IAH1: variants seen among roughly 807,000 people sequenced by gnomAD.
IAH1 encodes isoamyl acetate hydrolyzing esterase 1 (putative), also known as isoamyl acetate-hydrolyzing esterase 1 homolog.
A neutral mutation model predicts 26.7 loss-of-function variants in IAH1; 24 were observed. The observed-to-expected ratio is 0.90, with a 90% CI of 0.65 to 1.26. IAH1 has a LOEUF of 1.26. IAH1 is among the 50% of genes most tolerant of loss of function. The pLI is 0.00. For missense variants in IAH1, 300 were observed against 299.9 expected, an observed-to-expected ratio of 1.00 and a Z score of 0.00; for synonymous variants, 140 against 118.5, an observed-to-expected ratio of 1.18 and a Z score of -1.18.
At chr2:9,511,496 T>C in the IAH1 span, among the ~76,000 whole-genome samples, 1 of 152,116 alleles carries the variant, frequency 6.6e-6, no homozygotes, top group African/African-American at 2.4e-5. Flanking sequence ...AAACAATGTT[T>C]TATTTTCTCA....
At chr2:9,486,266 TG>T (rs1289716465) in intron 5 of IAH1, 6 of 152,194 alleles carry the variant, frequency 3.9e-5, no homozygotes, top group Non-Finnish European at 8.8e-5. Flanking sequence ...TCTGAAACCC[TG>T]GAGTACTGGA....
chr2:9,505,570 G>A, the IAH1 span: 1 of 583,300 alleles, frequency 1.7e-6, no homozygotes, highest in Non-Finnish European at 3.0e-6. Flanking sequence ...CTAAATGGCT[G>A]ATGTGAACTT....
upstream of IAH1, among the ~76,000 whole-genome samples, chr2:9,474,219 G>A (rs1277470916): frequency 6.6e-6 from 1 of 152,088 alleles, no homozygotes; most frequent in Non-Finnish European, 1.5e-5. The surrounding 1 kb of genome is among the most constrained non-coding windows in gnomAD (Gnocchi z 4.3). Flanking sequence ...CCCACCGAGA[G>A]CCAGCTGTGC....
chr2:9,494,933 A>G, intron 6 of IAH1: 1 of 752,084 alleles, frequency 1.3e-6, no homozygotes, highest in Non-Finnish European at 2.0e-6. Context: ...GTAGTTTCTG[A>G]GGTCACACTC....
chr2:9,495,217 C>G (rs984817907), intron 6 of IAH1, among the ~76,000 whole-genome samples: 45 of 152,326 alleles, frequency 3.0e-4, no homozygotes, highest in African/African-American at 1.0e-3. Context: ...GGGTGGGGAG[C>G]TCAGTGACCC....
chr2:9,481,883 A>G (rs1661195197), intron 4 of IAH1, among the ~76,000 whole-genome samples: 2 of 152,126 alleles, frequency 1.3e-5, no homozygotes, highest in Admixed American at 1.3e-4. Context: ...CACTCCATAT[A>G]CTTGGGTTTC....
downstream of IAH1, chr2:9,491,065 G>C (rs776074945): frequency 5.0e-6 from 8 of 1,595,564 alleles, no homozygotes; most frequent in Non-Finnish European, 6.0e-6. Flanking sequence ...CCTCAGACCA[G>C]GCGAAGATTA....
chr2:9,490,365 G>T, downstream of IAH1: 1 of 1,614,158 alleles, frequency 6.2e-7, no homozygotes. Flanking sequence ...GGGTCTTCCT[G>T]GATGGTGTCC....
At chr2:9,505,540 G>T in the IAH1 span, 1 of 630,852 alleles carries the variant, frequency 1.6e-6, no homozygotes, top group Non-Finnish European at 2.8e-6. Flanking sequence ...ATGGAACTGG[G>T]AACCTCCCTC....
At chr2:9,511,044 T>G in the IAH1 span, among the ~76,000 whole-genome samples, 1 of 152,144 alleles carries the variant, frequency 6.6e-6, no homozygotes, top group African/African-American at 2.4e-5. Flanking sequence ...ATAAATGCAA[T>G]AAGCTAACTG....
At chr2:9,502,030 A>G in the IAH1 span, 17 of 715,158 alleles carry the variant, frequency 2.4e-5, no homozygotes, top group African/African-American at 1.2e-4. Flanking sequence ...CAAGTGTCAC[A>G]AACTAAGGAG....
At chr2:9,490,051 T>TCAAA (rs1661986462), downstream of IAH1, 9 of 912,830 alleles carry the variant, frequency 9.9e-6, no homozygotes, top group East Asian at 5.3e-5. Context: ...TGCAGGAAGT[T>TCAAA]CAAACACATG....
downstream of IAH1, among the ~76,000 whole-genome samples, chr2:9,491,422 T>G (rs1027114895): frequency 6.6e-6 from 1 of 152,194 alleles, no homozygotes; most frequent in Non-Finnish European, 1.5e-5. Flanking sequence ...TCTGAGAAAT[T>G]TATCCCTCTG....
the IAH1 span, among the ~76,000 whole-genome samples, chr2:9,504,409 C>T: frequency 2.0e-5 from 3 of 151,942 alleles, no homozygotes; most frequent in Non-Finnish European, 2.9e-5. Context: ...CGCGCCACTG[C>T]ACTCCAGCCT....
chr2:9,491,172 G>A (rs1662111672), downstream of IAH1: 1 of 1,606,758 alleles, frequency 6.2e-7, no homozygotes, highest in Non-Finnish European at 8.5e-7. Flanking sequence ...ACAGCAAGAA[G>A]GTCATTCCCT....
chr2:9,484,365 G>A, intron 4 of IAH1, 67 bp from the exon 5 acceptor site: 1 of 1,204,602 alleles, frequency 8.3e-7, no homozygotes, highest in East Asian at 2.3e-5. Context: ...GATGAGTGGA[G>A]CAGAACTTAC....
chr2:9,477,380 T>C (rs899831530), intron 2 of IAH1, among the ~76,000 whole-genome samples: 5 of 152,172 alleles, frequency 3.3e-5, no homozygotes, highest in Non-Finnish European at 4.4e-5. Context: ...AAGAAAACTT[T>C]ATGGACAACT....
At chr2:9,487,827 T>TGC (rs1364629361) in intron 5 of IAH1, among the ~76,000 whole-genome samples, 21 of 97,172 alleles carry the variant, frequency 2.2e-4, no homozygotes, top group Admixed American at 9.7e-4. Flanking sequence ...TGTGTGTGTG[T>TGC]GTGTGTGCGC....
the IAH1 span, chr2:9,510,056 A>G: frequency 6.2e-7 from 1 of 1,614,172 alleles, no homozygotes; most frequent in Non-Finnish European, 8.5e-7. Context: ...TTCGGGGCAC[A>G]TTCTGCTAGA....
Sources: allele counts gnomAD v4.1 joint callset (sites outside exome capture counted in the v4.1 genomes callset), GRCh38; gene constraint gnomAD v4.1.1; non-coding constraint Gnocchi (gnomAD v3.1); transcripts MANE v1.5; gene names NCBI Gene and HGNC (gene_info 2026-07-23, HGNC 2026-07-21).